The following DGKI variants were observed in gnomAD, a reference collection of about 807,000 sequenced individuals.
DGKI encodes the protein diacylglycerol kinase iota, also known as DAG kinase iota.
DGKI carries 55 observed loss-of-function variants against 147.5 expected under a neutral mutation model. The observed-to-expected ratio is 0.37, with a 90% confidence interval of 0.30 to 0.47. The LOEUF (loss-of-function observed/expected upper bound fraction) is 0.47. Ranked by LOEUF, DGKI falls within the 20% of genes least tolerant of loss-of-function variation. The pLI, the probability that DGKI is intolerant of heterozygous loss-of-function variation, is 1.00. For synonymous variants in DGKI, 469 were observed against 477.1 expected (o/e 0.98, Z 0.22); for missense variants, 1,007 against 1,323.8 (o/e 0.76, Z 3.71).
chr7:137,845,032 ATCTG>A (rs1399112771), intron 1 of DGKI, among the ~76,000 whole-genome samples: 6 of 152,180 alleles, frequency 3.9e-5, no homozygotes, highest in Non-Finnish European at 1.5e-5. Context: ...CCTCCCCACC[ATCTG>A]TCTATTTTTA....
intron 1 of DGKI, among the ~76,000 whole-genome samples, chr7:137,699,167 C>T (rs982859104): frequency 1.3e-5 from 2 of 152,136 alleles, no homozygotes; most frequent in Non-Finnish European, 2.9e-5. Flanking sequence ...GAGGAAGAGG[C>T]AAATGTGCTT....
At chr7:137,415,209 G>A (rs745561917) in intron 28 of DGKI, among the ~76,000 whole-genome samples, 36 of 152,218 alleles carry the variant, frequency 2.4e-4, no homozygotes, top group South Asian at 4.1e-4. Context: ...CCAGCCCTCC[G>A]TATCTGCAGG....
chr7:137,493,977 G>A (rs1815868669), intron 21 of DGKI: 1 of 548,816 alleles, frequency 1.8e-6, no homozygotes, highest in African/African-American at 1.9e-5. Flanking sequence ...ACCATTTTAA[G>A]AAATAACTAA....
intron 19 of DGKI, among the ~76,000 whole-genome samples, chr7:137,566,533 T>C (rs2128973628): frequency 6.6e-6 from 1 of 152,320 alleles, no homozygotes; most frequent in South Asian, 2.1e-4. Flanking sequence ...GCATTCTCTT[T>C]CTTGGAAGCA....
chr7:137,751,391 C>T (rs1795485963), intron 1 of DGKI, among the ~76,000 whole-genome samples: 1 of 152,190 alleles, frequency 6.6e-6, no homozygotes, highest in Non-Finnish European at 1.5e-5. Context: ...GATGGTATTC[C>T]ATTCACCGAG....
chr7:137,846,464 G>T lies in DGKI; in HGVS notation c.399C>A (p.Tyr133Ter). 6.3e-7 allele frequency: 1 copy of T among 1,591,428 alleles called. No individual in the cohort carries two copies. ...RNLTFRKQVS[Y>*]RKAISRAGLQ... Reference sequence around the variant, plus strand: ...GGCTGCCGGCTCCCCGCACCTACCTGTACGAGACCTGCTTCCGGAAAGTTA... The same window carrying T: ...GGCTGCCGGCTCCCCGCACCTACCTTTACGAGACCTGCTTCCGGAAAGTTA... The change falls in exon 1 of 33, where the codon TAC becomes TAA. Residue 133 changes from tyrosine (Y) to a stop codon, truncating the protein, a stop_gained and splice_region_variant. Coordinates refer to ENST00000614521, the MANE Select transcript of DGKI (RefSeq NM_001321708.2). LOFTEE classifies it high-confidence loss of function. This position sits in a 1 kb window ranked among gnomAD's most constrained non-coding sequence, Gnocchi z 4.0.
At chr7:137,752,281 G>A (rs530625417) in intron 1 of DGKI, among the ~76,000 whole-genome samples, 3 of 152,036 alleles carry the variant, frequency 2.0e-5, no homozygotes, top group South Asian at 2.1e-4. Context: ...AAAAAAGTCA[G>A]ATCTCACAAT....
intron 1 of DGKI, among the ~76,000 whole-genome samples, chr7:137,767,471 G>GGAAGAGAAGAGAAGAAGA (rs1796046613): frequency 1.1e-5 from 1 of 89,616 alleles, no homozygotes; most frequent in Non-Finnish European, 2.1e-5. Flanking sequence ...AGAAGAGAAG[G>GGAAGAGAAGAGAAGAAGA]GAAGAGAAGA....
Position 137,692,356 on chromosome 7 carries a change from C to CA in DGKI, c.402-2355dup, listed in dbSNP as rs1823642739. 2.6e-5 allele frequency among the ~76,000 whole-genome samples: 4 copies of CA among 152,126 alleles called. No individual in the cohort carries two copies. In the South Asian group the frequency reaches 8.3e-4, roughly 32 times the overall value. On this transcript the variant is annotated intron_variant, in intron 1 of 32. Coordinates refer to ENST00000614521, the MANE Select transcript of DGKI (RefSeq NM_001321708.2). ...AATTAAGTGTCCTTACAAAAAATAC[C>CA]AAACCACACCCAAGTGCAAACTCTT...
chr7:137,540,822 AG>A (rs1817675201), intron 20 of DGKI, among the ~76,000 whole-genome samples: 2 of 145,290 alleles, frequency 1.4e-5, no homozygotes, highest in Non-Finnish European at 3.1e-5. Context: ...TGAACTACTT[AG>A]GCACAAATCT....
intron 23 of DGKI, among the ~76,000 whole-genome samples, chr7:137,484,366 T>C (rs562020511): frequency 6.6e-6 from 1 of 152,110 alleles, no homozygotes; most frequent in African/African-American, 2.4e-5. Context: ...CAAAGTGAAG[T>C]GCTAAACCAG....
At chr7:137,577,170 G>T in intron 17 of DGKI, 52 bp downstream of exon 17, 1 of 1,313,208 alleles carries the variant, frequency 7.6e-7, no homozygotes, top group Non-Finnish European at 1.1e-6. Context: ...GGAGTTTTTT[G>T]TGGCAGTCAT....
intron 10 of DGKI, among the ~76,000 whole-genome samples, chr7:137,605,767 G>C (rs1563108506): frequency 6.6e-6 from 1 of 152,208 alleles, no homozygotes; most frequent in African/African-American, 2.4e-5. Flanking sequence ...AAGTGGATCT[G>C]ACAGAGGTAG....
intron 1 of DGKI, among the ~76,000 whole-genome samples, chr7:137,742,768 G>A (rs1022646942): frequency 6.6e-6 from 1 of 152,112 alleles, no homozygotes; most frequent in Admixed American, 6.5e-5. Context: ...TGTGTGAGTG[G>A]GTTAACAGGC....
intron 1 of DGKI, among the ~76,000 whole-genome samples, chr7:137,772,846 TC>T (rs1216041739): frequency 1.3e-5 from 2 of 152,222 alleles, no homozygotes; most frequent in Admixed American, 6.5e-5. Context: ...AGCTTTCTTC[TC>T]CACTTAGGAT....
At chr7:137,609,149 A>G in intron 9 of DGKI, 85 bp from the exon 10 acceptor site, 1 of 1,011,604 alleles carries the variant, frequency 9.9e-7, no homozygotes, top group Middle Eastern at 2.1e-4. Flanking sequence ...AAACCACCCA[A>G]TAATACATTT....
chr7:137,540,139 C>G (rs1817640464), intron 20 of DGKI, among the ~76,000 whole-genome samples: 1 of 152,200 alleles, frequency 6.6e-6, no homozygotes, highest in African/African-American at 2.4e-5. Context: ...CTGAGAGTTT[C>G]ATTGGTAAAT....
At chr7:137,451,946 A>G (rs1813981794) in intron 27 of DGKI, among the ~76,000 whole-genome samples, 1 of 152,234 alleles carries the variant, frequency 6.6e-6, no homozygotes, top group Middle Eastern at 3.4e-3. Flanking sequence ...GAATGGCTAC[A>G]TCATTTCCTT....
At chr7:137,471,292 G>A (rs900322736) in intron 23 of DGKI, among the ~76,000 whole-genome samples, 1 of 152,178 alleles carries the variant, frequency 6.6e-6, no homozygotes, top group Non-Finnish European at 1.5e-5. Context: ...GCACTGGGGT[G>A]CGGCTGTGCA....
Sources: allele counts gnomAD v4.1 joint callset (sites outside exome capture counted in the v4.1 genomes callset), GRCh38; gene constraint gnomAD v4.1.1; non-coding constraint Gnocchi (gnomAD v3.1); transcripts MANE v1.5; gene names NCBI Gene and HGNC (gene_info 2026-07-23, HGNC 2026-07-21).